The following TMPO variants were observed in gnomAD, a reference collection of about 807,000 sequenced individuals.
TMPO encodes the protein thymopoietin, also known as LEM domain containing 4.
In TMPO, 22 loss-of-function variants were observed where a neutral mutation model predicts 45.4. That is an observed-to-expected ratio of 0.48 (90% CI 0.35 to 0.69). TMPO has a LOEUF of 0.69. Ranked by LOEUF, TMPO falls within the 30% of genes least tolerant of loss-of-function variation. The pLI, the probability that TMPO is intolerant of heterozygous loss-of-function variation, is 0.01. For missense variants in TMPO, 512 were observed against 548.8 expected (o/e 0.93, Z 0.67); for synonymous variants, 241 against 204.1 (o/e 1.18, Z -1.54).
chr12:98,516,026 C>T lies in TMPO; in HGVS notation c.159C>T (p.Leu53=), dbSNP rs1332214875. 1 of 1,611,292 alleles carries T rather than the reference C, an allele frequency of 6.2e-7. No homozygotes were observed. Among genetic ancestry groups the T allele is most frequent in the Non-Finnish European group, 8.5e-7 (1 of 1,179,442 alleles). ...QHLTARNRPP[L]PAGTNSKGPP... is the part of the protein sequence containing the mutation. ...TCACGGCTCGCAACCGGCCGCCGCT[C>T]CCCGCCGGCACCAACAGCAAGGGGC... is the stretch of plus-strand genomic sequence containing the variant. Residue 53 remains leucine (L), a synonymous_variant, in exon 1 of 9, where the codon CTC becomes CTT. Coordinates refer to ENST00000556029, the MANE Select transcript of TMPO (RefSeq NM_001032283.3).
In TMPO at chr12:98,547,921, G is replaced by A. The variant is rs1047541442; in HGVS notation, c.*63G>A. 18 of 1,561,370 alleles carry A rather than the reference G, an allele frequency of 1.2e-5. No homozygotes were observed. Among genetic ancestry groups the A allele is most frequent in the African/African-American group, 2.7e-5 (2 of 73,400 alleles). ...TTTCAATAACTGTTGAAAAACATTT[G>A]TGTACACTTGTTGACTCCAAGAACT... On this transcript the variant is annotated 3_prime_UTR_variant, in exon 9 of 9. Transcript: ENST00000556029.
At chr12:98,533,788 A>G in intron 3 of TMPO, 1 of 1,614,246 alleles carries the variant, frequency 6.2e-7, no homozygotes, top group South Asian at 1.1e-5. Flanking sequence ...GCAAGTTGAC[A>G]GGCAGCTGCC....
chr12:98,523,756 A>G (rs972653638), intron 1 of TMPO, among the ~76,000 whole-genome samples: 2 of 151,980 alleles, frequency 1.3e-5, no homozygotes, highest in African/African-American at 4.8e-5. Flanking sequence ...GCTCGCTGCA[A>G]TCTCCGCCTC....
In TMPO at chr12:98,534,085, C is replaced by G. The variant is rs369379490; in HGVS notation, c.565+2247C>G. 2.5e-6 allele frequency: 4 copies of G among 1,612,118 alleles called. No homozygotes were observed. The African/African-American group carries it at 4.0e-5, about 16-fold the overall frequency. On this transcript the variant is annotated intron_variant, in intron 3 of 8. Transcript: ENST00000556029. ...ACAGATTCTTAGCTCAGATCCTAGT[C>G]GTACCCACCAAGCGCTTGGGATTCT...
intron 7 of TMPO, 85 bp from the exon 8 acceptor site, chr12:98,546,274 C>T: frequency 1.1e-6 from 1 of 933,544 alleles, no homozygotes; most frequent in Non-Finnish European, 1.8e-6. Flanking sequence ...ATTTTGTTCT[C>T]TAAAACTTAC....
At chr12:98,533,542 G>A in intron 3 of TMPO, 1 of 1,614,158 alleles carries the variant, frequency 6.2e-7, no homozygotes, top group Non-Finnish European at 8.5e-7. Flanking sequence ...TCCAAGAAAA[G>A]TCCCTAGACT....
chr12:98,522,998 C>A (rs187281860), intron 1 of TMPO, among the ~76,000 whole-genome samples: 1 of 152,270 alleles, frequency 6.6e-6, no homozygotes, highest in East Asian at 1.9e-4. Flanking sequence ...TATCATAGAG[C>A]TGTTGGGTTT....
rs767796798 is a variant in TMPO at position 98,516,021 on chromosome 12, C to T, written c.154C>T (p.Pro52Ser). ...LQHLTARNRP[P>S]LPAGTNSKGP... Reference sequence around the variant, plus strand: ...GCACCTCACGGCTCGCAACCGGCCGCCGCTCCCCGCCGGCACCAACAGCAA... The same window carrying T: ...GCACCTCACGGCTCGCAACCGGCCGTCGCTCCCCGCCGGCACCAACAGCAA... Residue 52 changes from proline to serine, a missense_variant, in exon 1 of 9, where the codon CCG (proline) becomes TCG (serine). Pro to Ser is a moderately conservative substitution (Grantham distance 74, BLOSUM62 -1). Around this residue, in one of 3 missense-constraint regions of TMPO, gnomAD observed 299 missense variants for 296.7 expected, o/e 1.01. Coordinates refer to ENST00000556029, the MANE Select transcript of TMPO (RefSeq NM_001032283.3). 43 of 1,609,562 alleles carry T rather than the reference C, an allele frequency of 2.7e-5. No homozygotes were observed. The highest frequency in any genetic ancestry group is 3.6e-5 in the Non-Finnish European group (43 of 1,178,980).
rs542422805 is a variant in TMPO, at chr12:98,535,024, T to A, written c.566-2451T>A. 124 of 780,182 alleles carry A rather than the reference T, an allele frequency of 1.6e-4. No individual in the cohort carries two copies. In the South Asian group the frequency reaches 2.6e-3, roughly 17 times the overall value. 48.3% of individuals were successfully genotyped at this position (780,182 alleles called of 1,614,324 possible). On this transcript the variant is annotated intron_variant, in intron 3 of 8. Coordinates refer to ENST00000556029, the MANE Select transcript of TMPO (RefSeq NM_001032283.3). ...AAAATTTTATTAATAGCTAAAGCAATGTATTGATTTACACTCTGATGCAAG... is the reference window on the plus strand; with the variant it reads ...AAAATTTTATTAATAGCTAAAGCAAAGTATTGATTTACACTCTGATGCAAG...
intron 8 of TMPO, among the ~76,000 whole-genome samples, chr12:98,546,742 C>T (rs949105218): frequency 3.9e-5 from 6 of 152,120 alleles, no homozygotes; most frequent in African/African-American, 1.4e-4. Flanking sequence ...TCCCCTAAGC[C>T]CACCAGTAAA....
chr12:98,535,637 G>A (rs1291167845), intron 3 of TMPO: 1 of 985,422 alleles, frequency 1.0e-6, no homozygotes, highest in African/African-American at 1.7e-5. Flanking sequence ...GAACAGTGTT[G>A]TGTGGTCTCC....
chr12:98,533,480 T>C lies in TMPO; in HGVS notation c.565+1642T>C, dbSNP rs1327406744. On this transcript the variant is annotated intron_variant, in intron 3 of 8. Coordinates refer to ENST00000556029, the MANE Select transcript of TMPO (RefSeq NM_001032283.3). ...ATGCCCCCACTGGATGTAGAAAACA[T>C]ACAGAAGAGAATTGATCAGTCTAAG... 2 of 1,614,018 alleles carry C rather than the reference T, an allele frequency of 1.2e-6. No homozygotes were observed. Among genetic ancestry groups the C allele is most frequent in the Non-Finnish European group, 1.7e-6 (2 of 1,180,012 alleles).
At chr12:98,529,423 C>A (rs1877025636) in intron 2 of TMPO, among the ~76,000 whole-genome samples, 1 of 151,844 alleles carries the variant, frequency 6.6e-6, no homozygotes, top group African/African-American at 2.4e-5. Flanking sequence ...GGAATTATAC[C>A]CTTAAAAAAC....
intron 1 of TMPO, among the ~76,000 whole-genome samples, chr12:98,519,107 C>A (rs993898285): frequency 1.3e-5 from 2 of 152,122 alleles, no homozygotes; most frequent in African/African-American, 4.8e-5. Context: ...TGGCCTCGAT[C>A]TCCTGACCTC....
rs750410131 is a variant in TMPO at position 98,516,037 on chromosome 12, C to A, written c.170C>A (p.Thr57Asn). ...AACCGGCCGCCGCTCCCCGCCGGCA[C>A]CAACAGCAAGGGGCCCCCGGACTTC... Reference protein sequence around the residue: ...ARNRPPLPAGTNSKGPPDFSS... With the variant: ...ARNRPPLPAGNNSKGPPDFSS... Residue 57 changes from threonine (T) to asparagine (N), a missense_variant, in exon 1 of 9, where the codon ACC becomes AAC. Transcript: ENST00000556029. 2.5e-6 allele frequency: 4 copies of A among 1,611,540 alleles called. No individual in the cohort carries two copies. The highest frequency in any genetic ancestry group is 1.1e-5 in the South Asian group (1 of 91,050).
At chr12:98,537,639 T>G (rs1210145512) in intron 4 of TMPO, 67 bp downstream of exon 4, 3 of 1,241,952 alleles carry the variant, frequency 2.4e-6, no homozygotes, top group Non-Finnish European at 3.5e-6. Context: ...AATCCATGTT[T>G]TAGCCTTTAA....
At chr12:98,537,331 A>G (rs924011667) in intron 3 of TMPO, 144 bp from the exon 4 acceptor site, 2 of 640,660 alleles carry the variant, frequency 3.1e-6, no homozygotes, top group Non-Finnish European at 5.4e-6. Flanking sequence ...CAGTTAAACA[A>G]TTTTGGACTA....
In TMPO at chr12:98,515,639, C is replaced by G; in HGVS notation, c.-229C>G. ...TGTAGTGTGTGGGCTGGGGTTGGTGCGAGCTTCCAGCTTGGCCGCAGTTGG... is the reference window on the plus strand; with the variant it reads ...TGTAGTGTGTGGGCTGGGGTTGGTGGGAGCTTCCAGCTTGGCCGCAGTTGG... On this transcript the variant is annotated 5_prime_UTR_variant, in exon 1 of 9. Coordinates refer to ENST00000556029, the MANE Select transcript of TMPO (RefSeq NM_001032283.3). 1 of 800,444 alleles carries G rather than the reference C, an allele frequency of 1.2e-6. No homozygotes were observed. The highest frequency in any genetic ancestry group is 1.8e-5 in the South Asian group (1 of 55,450). 49.6% of individuals were successfully genotyped at this position (800,444 alleles called of 1,614,324 possible).
chr12:98,518,315 G>A (rs191881017), intron 1 of TMPO, among the ~76,000 whole-genome samples: 2 of 152,006 alleles, frequency 1.3e-5, no homozygotes, highest in African/African-American at 2.4e-5. Flanking sequence ...ATTTTTAGGC[G>A]GGATCTCGCT....
Sources: allele counts gnomAD v4.1 joint callset (sites outside exome capture counted in the v4.1 genomes callset), GRCh38; gene constraint gnomAD v4.1.1; regional missense constraint gnomAD v4.1.1; transcripts MANE v1.5; gene names NCBI Gene and HGNC (gene_info 2026-07-23, HGNC 2026-07-21).